The following TPD52L2 variants were observed in gnomAD, a reference collection of about 807,000 sequenced individuals.
TPD52L2 encodes the protein TPD52 like 2, also known as tumor protein D54.
Under a neutral mutation model 24.7 loss-of-function variants are expected in TPD52L2, and 19 were observed. The observed-to-expected ratio is 0.77, with a 90% confidence interval of 0.54 to 1.13. TPD52L2 has a LOEUF of 1.13. Among genes scored for constraint, TPD52L2 ranks in the 50% most tolerant of loss-of-function variants. The pLI is 0.00. For missense variants in TPD52L2, 236 were observed against 250.4 expected (o/e 0.94, Z 0.39); for synonymous variants, 104 against 100.2 (o/e 1.04, Z -0.23).
At chr20:63,879,034 G>T (rs903797955) in intron 4 of TPD52L2, among the ~76,000 whole-genome samples, 1 of 152,196 alleles carries the variant, frequency 6.6e-6, no homozygotes, top group African/African-American at 2.4e-5. Flanking sequence ...TTGGAAGGGG[G>T]CCTCACAGCT....
chr20:63,866,293 C>T (rs936465860), intron 1 of TPD52L2, among the ~76,000 whole-genome samples: 2 of 151,926 alleles, frequency 1.3e-5, no homozygotes, highest in East Asian at 1.9e-4. Flanking sequence ...TTAGTAGAGG[C>T]AGGGTTTCAC....
At chr20:63,873,848 G>A in intron 3 of TPD52L2, 32 bp downstream of exon 3, 1 of 1,463,414 alleles carries the variant, frequency 6.8e-7, no homozygotes, top group Non-Finnish European at 9.0e-7. Flanking sequence ...ACCCCTGGGG[G>A]CTGAAGAGAA....
chr20:63,875,877 T>C lies in TPD52L2; in HGVS notation c.374+2T>C. The C allele has an allele frequency of 6.2e-7, 1 of 1,614,124 alleles. No homozygotes were observed. Reference sequence around the variant, plus strand: ...TGAGAAAGTGACCCAGTCAGACCTGTGAGTGCCTGTATCATCAGCACCTCC... The same window carrying C: ...TGAGAAAGTGACCCAGTCAGACCTGCGAGTGCCTGTATCATCAGCACCTCC... On this transcript the variant is annotated splice_donor_variant, in intron 4 of 6. Transcript: ENST00000346249. LOFTEE classifies it high-confidence loss of function.
intron 5 of TPD52L2, among the ~76,000 whole-genome samples, chr20:63,883,846 C>CTGCCTGCCTCCG (rs1301571216): frequency 6.6e-6 from 1 of 151,796 alleles, no homozygotes; most frequent in Non-Finnish European, 1.5e-5. Context: ...GCCTGCCTCC[C>CTGCCTGCCTCCG]TGCCTGCCTG....
chr20:63,879,064 C>T lies in TPD52L2; in HGVS notation c.374+3189C>T, dbSNP rs116044368. Among the ~76,000 whole-genome samples, 678 of 152,274 alleles carry T rather than the reference C, an allele frequency of 4.5e-3. 4 individuals are homozygous for T. Among genetic ancestry groups the T allele is most frequent in the African/African-American group, 0.016 (648 of 41,556 alleles). On this transcript the variant is annotated intron_variant, in intron 4 of 6. Transcript: ENST00000346249. ...ACAGCTGCTGCCGCCACCTTGGAGG[C>T]CCAGGATGGGACTGAGAAGGGGAAG... is the stretch of plus-strand genomic sequence containing the variant.
In TPD52L2 at chr20:63,889,983, C is replaced by A. The variant is rs774354701; in HGVS notation, c.*38C>A. ...TTCACCCGCTGCAGAGCACACGCAA[C>A]CCAGCCTCAGCATCACAGCCGCAGC... On this transcript the variant is annotated 3_prime_UTR_variant, in exon 7 of 7. Transcript: ENST00000346249. The A allele has an allele frequency of 1.2e-4, 196 of 1,612,302 alleles. 1 individual carries two copies. Among genetic ancestry groups the A allele is most frequent in the South Asian group, 8.9e-4 (81 of 90,888 alleles).
At chr20:63,869,028 G>A (rs1395560855) in intron 1 of TPD52L2, among the ~76,000 whole-genome samples, 1 of 152,222 alleles carries the variant, frequency 6.6e-6, no homozygotes, top group African/African-American at 2.4e-5. Context: ...TCACTGGGAA[G>A]CCAGAATTCG....
chr20:63,872,348 G>T (rs987145768), intron 2 of TPD52L2, among the ~76,000 whole-genome samples: 1 of 152,024 alleles, frequency 6.6e-6, no homozygotes, highest in African/African-American at 2.4e-5. Flanking sequence ...CAGACTGAGA[G>T]CCCTGAGGGA....
chr20:63,869,184 C>T, intron 1 of TPD52L2, 112 bp from the exon 2 acceptor site: 1 of 1,245,508 alleles, frequency 8.0e-7, no homozygotes, highest in Non-Finnish European at 1.2e-6. Context: ...AGGTGTTAGT[C>T]TCCAGGGTCT....
chr20:63,877,556 G>A lies in TPD52L2; in HGVS notation c.374+1681G>A, dbSNP rs1015607026. 5.3e-5 allele frequency among the ~76,000 whole-genome samples: 8 copies of A among 152,170 alleles called. No homozygotes were observed. The highest frequency in any genetic ancestry group is 2.0e-4 in the Admixed American group (3 of 15,272). On this transcript the variant is annotated intron_variant, in intron 4 of 6. Transcript: ENST00000346249. This position sits in a 1 kb window ranked among gnomAD's most constrained non-coding sequence, Gnocchi z 4.1. ...ATGGTTCCTAGGTTGGGACAGTGAC[G>A]GTCATCCTTGCAGTTTGGGCATCAG...
rs138725224 is a variant in TPD52L2 at position 63,868,734 on chromosome 20, G to A, written c.20-562G>A. On this transcript the variant is annotated intron_variant, in intron 1 of 6. Coordinates refer to ENST00000346249, the MANE Select transcript of TPD52L2 (RefSeq NM_003288.4). ...CAAGGCGGGCGGATCACCCGAGGTC[G>A]GGAATTGGAGACCAGCCTGGCCGAC... 6.1e-4 allele frequency among the ~76,000 whole-genome samples: 93 copies of A among 152,294 alleles called. No homozygotes were observed. In the East Asian group the frequency reaches 0.011, roughly 18 times the overall value.
chr20:63,878,446 G>A (rs1051528189), intron 4 of TPD52L2, among the ~76,000 whole-genome samples: 17 of 152,232 alleles, frequency 1.1e-4, no homozygotes, highest in African/African-American at 3.9e-4. Context: ...TTCACTTGGA[G>A]TTGTTTTGGT....
chr20:63,876,107 C>T (rs187416025), intron 4 of TPD52L2, among the ~76,000 whole-genome samples: 95 of 152,332 alleles, frequency 6.2e-4, no homozygotes, highest in African/African-American at 2.2e-3. Context: ...TAAAACTCCC[C>T]TCTGCCTGAT....
intron 1 of TPD52L2, among the ~76,000 whole-genome samples, chr20:63,867,835 A>C (rs2052313694): frequency 6.9e-6 from 1 of 144,902 alleles, no homozygotes; most frequent in African/African-American, 2.6e-5. Context: ...ACGGGGTTTC[A>C]CCATATTGGC....
At chr20:63,868,459 C>T (rs573707221) in intron 1 of TPD52L2, among the ~76,000 whole-genome samples, 9 of 152,310 alleles carry the variant, frequency 5.9e-5, no homozygotes, top group East Asian at 1.9e-4. Flanking sequence ...TGCCTGCTGG[C>T]GGCCTTCTGG....
chr20:63,885,510 C>T (rs1010287054), intron 5 of TPD52L2, among the ~76,000 whole-genome samples: 8 of 152,196 alleles, frequency 5.3e-5, no homozygotes, highest in Non-Finnish European at 7.3e-5. Flanking sequence ...CAGAAATGCT[C>T]GGCGCCAAGG....
intron 4 of TPD52L2, among the ~76,000 whole-genome samples, chr20:63,878,534 C>T (rs2052775510): frequency 6.6e-6 from 1 of 152,202 alleles, no homozygotes; most frequent in Admixed American, 6.5e-5. Flanking sequence ...CAGAGAAGTC[C>T]CTGCCCCCAC....
At position 63,871,494 on chromosome 20, in the gene TPD52L2, C is replaced by T. The variant is rs866079588; in HGVS notation, c.165+2053C>T. ...CCTCCCGAGTAGCTGGGATTACAGGCGCACAGCACCATGCCTGGCTAATTT... is the reference window on the plus strand; with the variant it reads ...CCTCCCGAGTAGCTGGGATTACAGGTGCACAGCACCATGCCTGGCTAATTT... On this transcript the variant is annotated intron_variant, in intron 2 of 6. Transcript: ENST00000346249. Among the ~76,000 whole-genome samples the T allele has an allele frequency of 1.1e-4, 17 of 150,430 alleles. No homozygotes were observed. In the Middle Eastern group the frequency reaches 0.014, roughly 126 times the overall value.
intron 2 of TPD52L2, among the ~76,000 whole-genome samples, chr20:63,871,862 G>C (rs2052478790): frequency 6.6e-6 from 1 of 151,950 alleles, no homozygotes; most frequent in African/African-American, 2.4e-5. Context: ...TCGGACTCCT[G>C]ACCTCAGGTG....
Sources: gnomAD v4.1 joint callset for allele counts (sites outside exome capture counted in the v4.1 genomes callset) on GRCh38, gnomAD v4.1.1 for gene constraint, Gnocchi (gnomAD v3.1) non-coding constraint, MANE v1.5 for transcripts, NCBI Gene and HGNC (gene_info 2026-07-23, HGNC 2026-07-21) for gene names.